The following CCDC171 variants were observed in gnomAD, a reference collection of about 807,000 sequenced individuals.
CCDC171 encodes coiled-coil domain-containing protein 171.
A neutral mutation model predicts 168.2 loss-of-function variants in CCDC171; 177 were observed. That is an observed-to-expected ratio of 1.05 (90% CI 0.93 to 1.19). The LOEUF (loss-of-function observed/expected upper bound fraction) is 1.19, where lower values mean the gene tolerates loss of function less well. Ranked by LOEUF, CCDC171 falls within the 50% of genes most tolerant of loss-of-function variation. CCDC171 has a pLI of 0.00. For missense variants in CCDC171, 1,991 were observed against 1,539.0 expected, an observed-to-expected ratio of 1.29 and a Z score of -4.91; for synonymous variants, 687 against 540.8, an observed-to-expected ratio of 1.27 and a Z score of -3.75.
chr9:16,055,291 GA>G (rs1833820513), intron 1 of CCDC171, among the ~76,000 whole-genome samples: 1 of 152,150 alleles, frequency 6.6e-6, no homozygotes, highest in Admixed American at 6.5e-5. Flanking sequence ...GCAGATGTCT[GA>G]GTATGGAGTT....
chr9:15,817,785 A>G (rs991888751), intron 21 of CCDC171, among the ~76,000 whole-genome samples: 1 of 118,546 alleles, frequency 8.4e-6, no homozygotes, highest in African/African-American at 3.2e-5. Context: ...ACAGACAAAC[A>G]AAAGGCAGCA....
intron 25 of CCDC171, among the ~76,000 whole-genome samples, chr9:15,948,380 A>C (rs2132416068): frequency 1.5e-5 from 2 of 135,666 alleles, no homozygotes; most frequent in Middle Eastern, 7.0e-3. Context: ...TTCTAGTTCT[A>C]GATCCCTGAG....
Position 15,744,457 on chromosome 9 carries a change from C to A in CCDC171, c.2234C>A (p.Ser745Ter). 1 of 1,614,108 alleles carries A rather than the reference C, an allele frequency of 6.2e-7. No homozygotes were observed. Among genetic ancestry groups the A allele is most frequent in the Non-Finnish European group, 8.5e-7 (1 of 1,180,012 alleles). Reference protein sequence around the residue: ...AGALYPLYSRSCALSTQRDFL... With the variant: ...AGALYPLYSR Reference sequence around the variant, plus strand: ...GCCTTATATCCCCTCTATAGCCGATCATGCGCCTTGTCTACACAGAGAGAT... The same window carrying A: ...GCCTTATATCCCCTCTATAGCCGATAATGCGCCTTGTCTACACAGAGAGAT... Residue 745 changes from serine to a stop codon, truncating the protein, a stop_gained, in exon 17 of 26, where the codon TCA becomes TAA. Coordinates refer to ENST00000380701, the MANE Select transcript of CCDC171 (RefSeq NM_173550.4). LOFTEE classifies it high-confidence loss of function.
At chr9:16,079,116 G>A in the CCDC171 span, among the ~76,000 whole-genome samples, 1 of 152,210 alleles carries the variant, frequency 6.6e-6, no homozygotes, top group South Asian at 2.1e-4. Context: ...AAATTGAATG[G>A]TGGGAGTCCT....
intron 18 of CCDC171, among the ~76,000 whole-genome samples, chr9:15,768,192 TA>T (rs34022345): frequency 1.9e-4 from 28 of 145,404 alleles, no homozygotes; most frequent in African/African-American, 2.3e-4. Flanking sequence ...ATGAGTTTCC[TA>T]AAAAAAAAAA....
At chr9:16,037,208 T>C (rs77312880) in intron 8 of CCDC171, among the ~76,000 whole-genome samples, 4,690 of 152,338 alleles carry the variant, frequency 0.031, 94 homozygotes, top group Middle Eastern at 0.082. Flanking sequence ...TTACCCTGAA[T>C]TGATCATTAC....
intron 21 of CCDC171, among the ~76,000 whole-genome samples, chr9:15,824,211 A>G (rs1290719516): frequency 6.6e-6 from 1 of 152,102 alleles, no homozygotes; most frequent in East Asian, 1.9e-4. Context: ...TACTCAGTAT[A>G]TGTATATACA....
intron 18 of CCDC171, among the ~76,000 whole-genome samples, chr9:15,765,662 A>T (rs980455343): frequency 1.3e-5 from 2 of 152,192 alleles, no homozygotes; most frequent in African/African-American, 2.4e-5. Flanking sequence ...AAGCGGAGAA[A>T]ATGAGAAATA....
chr9:15,647,683 C>G (rs1488290590), intron 7 of CCDC171, among the ~76,000 whole-genome samples: 1 of 152,042 alleles, frequency 6.6e-6, no homozygotes, highest in Non-Finnish European at 1.5e-5. Flanking sequence ...TACACTCTCC[C>G]AAGACTAAAC....
chr9:15,955,833 A>T (rs1014586416), intron 25 of CCDC171, among the ~76,000 whole-genome samples: 35 of 152,114 alleles, frequency 2.3e-4, no homozygotes, highest in Non-Finnish European at 3.5e-4. Flanking sequence ...TTATAGCTTT[A>T]GTGAGGAAAC....
chr9:15,911,154 C>T (rs1823570857), intron 24 of CCDC171, among the ~76,000 whole-genome samples: 5 of 152,016 alleles, frequency 3.3e-5, no homozygotes, highest in Admixed American at 3.3e-4. Context: ...TAATTTACAC[C>T]CCCACCAATG....
the CCDC171 span, among the ~76,000 whole-genome samples, chr9:16,070,209 C>T: frequency 6.6e-6 from 1 of 152,152 alleles, no homozygotes; most frequent in African/African-American, 2.4e-5. Flanking sequence ...ATAACATGAG[C>T]CCCTCGGGGT....
intron 9 of CCDC171, among the ~76,000 whole-genome samples, chr9:15,666,712 C>T (rs1025612050): frequency 3.9e-5 from 6 of 152,080 alleles, no homozygotes; most frequent in East Asian, 1.9e-4. Flanking sequence ...GTAGTCCCAG[C>T]TACTCGAGAG....
intron 6 of CCDC171, among the ~76,000 whole-genome samples, chr9:15,604,250 T>C (rs1241345592): frequency 6.6e-6 from 1 of 152,140 alleles, no homozygotes; most frequent in Non-Finnish European, 1.5e-5. Flanking sequence ...CTCTTAAGTT[T>C]TTAATTAGAT....
intron 1 of CCDC171, among the ~76,000 whole-genome samples, chr9:16,045,629 G>C (rs1006374234): frequency 6.6e-6 from 1 of 152,164 alleles, no homozygotes; most frequent in African/African-American, 2.4e-5. Context: ...GATGGTAAAG[G>C]CCATGGTGAG....
intron 4 of CCDC171, among the ~76,000 whole-genome samples, chr9:15,590,756 CTTCTTTCTTTCTTTCTCTTTCTTTCT>C (rs1563999346): frequency 4.1e-5 from 5 of 122,370 alleles, no homozygotes; most frequent in African/African-American, 1.4e-4. Flanking sequence ...AGATTTTTTT[CTTCTTTCTTTCTTTCTCTTTCTTTCT>C]TTCTTTCTTT....
At chr9:15,588,488 A>G (rs1019850039) in intron 4 of CCDC171, 3 of 306,714 alleles carry the variant, frequency 9.8e-6, no homozygotes, top group Non-Finnish European at 2.0e-5. Flanking sequence ...TTGCCCCTGC[A>G]AAGAAGGGAG....
At chr9:15,656,893 T>C (rs1478559038) in intron 7 of CCDC171, among the ~76,000 whole-genome samples, 2 of 152,032 alleles carry the variant, frequency 1.3e-5, no homozygotes, top group Non-Finnish European at 1.5e-5. Flanking sequence ...ATATTTTCAC[T>C]ATGTGTAGGT....
intron 21 of CCDC171, among the ~76,000 whole-genome samples, chr9:15,840,452 A>G (rs1200734420): frequency 6.6e-6 from 1 of 152,070 alleles, no homozygotes; most frequent in Non-Finnish European, 1.5e-5. Flanking sequence ...TGAGTATGCT[A>G]TAGCTGATAA....
Sources: gnomAD v4.1 joint callset for allele counts (sites outside exome capture counted in the v4.1 genomes callset) on GRCh38, gnomAD v4.1.1 for gene constraint, MANE v1.5 for transcripts, NCBI Gene and HGNC (gene_info 2026-07-23, HGNC 2026-07-21) for gene names.